Variants in B3GALT1 observed in about 807,000 individuals in gnomAD.
The protein encoded by B3GALT1 is UDP-Gal:betaGlcNAc beta 1,3-galactosyltransferase, polypeptide 1.
In B3GALT1, 10 loss-of-function variants were observed where a neutral mutation model predicts 23.2. The ratio of observed to expected loss-of-function variants is 0.43; its 90% confidence interval spans 0.27 to 0.73. B3GALT1 has a LOEUF of 0.73. Among genes scored for constraint, B3GALT1 ranks in the 30% least tolerant of loss-of-function variants. The probability of loss-of-function intolerance (pLI) is 0.21; values close to 1 mark genes in which losing one functional copy is unlikely to be tolerated. For synonymous variants in B3GALT1, 156 were observed against 141.5 expected (o/e 1.10, Z -0.73); for missense variants, 299 against 405.4 (o/e 0.74, Z 2.25).
At chr2:167,440,511 GT>G (rs1172758166) in intron 1 of B3GALT1, among the ~76,000 whole-genome samples, 1 of 152,006 alleles carries the variant, frequency 6.6e-6, no homozygotes, top group Non-Finnish European at 1.5e-5. Flanking sequence ...ATTGTACTAT[GT>G]TTTTTTGTAA....
chr2:167,713,436 A>G (rs1188701256), intron 3 of B3GALT1, among the ~76,000 whole-genome samples: 2 of 152,212 alleles, frequency 1.3e-5, no homozygotes, highest in Non-Finnish European at 2.9e-5. Flanking sequence ...TAACAAACTT[A>G]TCTGTATTGT....
intron 2 of B3GALT1, among the ~76,000 whole-genome samples, chr2:167,523,934 G>T (rs1683175847): frequency 6.6e-6 from 1 of 151,944 alleles, no homozygotes; most frequent in South Asian, 2.1e-4. Flanking sequence ...TAGTATTGCT[G>T]GATATTTAGC....
At chr2:167,558,124 C>T (rs1055618243) in intron 2 of B3GALT1, 6 of 152,070 alleles carry the variant, frequency 3.9e-5, no homozygotes, top group Non-Finnish European at 8.8e-5. Context: ...TTGTTTTTGT[C>T]TTATCTCTGA....
intron 3 of B3GALT1, among the ~76,000 whole-genome samples, chr2:167,708,144 AT>A (rs1686992488): frequency 1.3e-5 from 2 of 152,180 alleles, no homozygotes; most frequent in Non-Finnish European, 2.9e-5. Context: ...CTTAGATACA[AT>A]TTCTCTCCTT....
intron 1 of B3GALT1, among the ~76,000 whole-genome samples, chr2:167,328,937 C>A (rs1029503795): frequency 6.6e-6 from 1 of 152,080 alleles, no homozygotes; most frequent in Non-Finnish European, 1.5e-5. Context: ...CTCAGCAACC[C>A]AAGTAGCTGG....
At chr2:167,815,647 A>G (rs1688980604) in intron 3 of B3GALT1, among the ~76,000 whole-genome samples, 1 of 152,238 alleles carries the variant, frequency 6.6e-6, no homozygotes, top group Non-Finnish European at 1.5e-5. Flanking sequence ...ATAAGTCGGT[A>G]TACAGAAAGA....
intron 4 of B3GALT1, among the ~76,000 whole-genome samples, chr2:167,858,344 TAAAAA>T (rs77883366): frequency 1.5e-5 from 1 of 68,960 alleles, no homozygotes; most frequent in African/African-American, 5.3e-5. Flanking sequence ...AAGAGCGAAG[TAAAAA>T]AAAAAAAAAA....
intron 4 of B3GALT1, among the ~76,000 whole-genome samples, chr2:167,867,208 G>A (rs909884291): frequency 2.0e-5 from 3 of 152,176 alleles, no homozygotes; most frequent in East Asian, 1.9e-4. Context: ...TTACAGGCGT[G>A]AGCCACCGCG....
At chr2:167,867,288 C>G (rs868277459) in intron 4 of B3GALT1, among the ~76,000 whole-genome samples, 7 of 152,040 alleles carry the variant, frequency 4.6e-5, no homozygotes, top group African/African-American at 2.4e-5. Context: ...TTTAAAGTTT[C>G]AAAACTTGCT....
At chr2:167,401,510 C>A (rs1403903) in intron 1 of B3GALT1, among the ~76,000 whole-genome samples, 140,318 of 152,002 alleles carry the variant, frequency 0.92, 65,424 homozygotes, top group Non-Finnish European at 0.99. Flanking sequence ...AGGCTCTTAC[C>A]CTTGGGGTCC....
At chr2:167,743,559 T>C (rs1426143454) in intron 3 of B3GALT1, among the ~76,000 whole-genome samples, 1 of 152,156 alleles carries the variant, frequency 6.6e-6, no homozygotes, top group East Asian at 1.9e-4. Context: ...TCCATTGAAA[T>C]GTTTTTGTAG....
At chr2:167,776,730 G>C (rs995446929) in intron 3 of B3GALT1, among the ~76,000 whole-genome samples, 4 of 152,178 alleles carry the variant, frequency 2.6e-5, no homozygotes, top group African/African-American at 9.7e-5. Context: ...TATAACTTCA[G>C]TGTCTGTTTT....
chr2:167,295,251 C>T (rs1207982831), intron 1 of B3GALT1, among the ~76,000 whole-genome samples: 2 of 152,048 alleles, frequency 1.3e-5, no homozygotes, highest in East Asian at 3.9e-4. Flanking sequence ...TAAGTATTTT[C>T]TTCTTAGCAT....
chr2:167,447,284 C>T (rs1390171399), intron 1 of B3GALT1, among the ~76,000 whole-genome samples: 1 of 152,238 alleles, frequency 6.6e-6, no homozygotes, highest in Non-Finnish European at 1.5e-5. Flanking sequence ...TGGGGGGTGC[C>T]TCCCAGTTAG....
chr2:167,664,880 TC>T (rs1236968885), intron 3 of B3GALT1, among the ~76,000 whole-genome samples: 3 of 150,276 alleles, frequency 2.0e-5, no homozygotes, highest in Non-Finnish European at 3.0e-5. Context: ...AATGGGGTTT[TC>T]TAGATATACA....
In B3GALT1 at chr2:167,803,729, A is replaced by C. The variant is rs116532399; in HGVS notation, c.-351-14943A>C. Reference sequence around the variant, plus strand: ...AAGCCTCATAAATGAAAGAACATTCAGTCCATTTATCCAAAACTCTCCTAA... The same window carrying C: ...AAGCCTCATAAATGAAAGAACATTCCGTCCATTTATCCAAAACTCTCCTAA... On this transcript the variant is annotated intron_variant, in intron 3 of 4. Transcript: ENST00000392690. Among the ~76,000 whole-genome samples, 130 of 152,296 alleles carry C rather than the reference A, an allele frequency of 8.5e-4. 4 individuals are homozygous for C. Among genetic ancestry groups the C allele is most frequent in the Admixed American group, 2.3e-3 (35 of 15,296 alleles).
intron 3 of B3GALT1, among the ~76,000 whole-genome samples, chr2:167,700,114 A>G (rs78326160): frequency 0.07 from 10,623 of 152,184 alleles, 562 homozygotes; most frequent in East Asian, 0.17. Context: ...TCCAGGCGCA[A>G]TGGTACACAC....
At chr2:167,480,029 G>T (rs558945868) in intron 1 of B3GALT1, among the ~76,000 whole-genome samples, 1 of 152,066 alleles carries the variant, frequency 6.6e-6, no homozygotes, top group African/African-American at 2.4e-5. Flanking sequence ...GTCAGTTGCC[G>T]GAATGTGAAA....
chr2:167,676,979 C>A (rs569256800), intron 3 of B3GALT1, among the ~76,000 whole-genome samples: 1 of 152,204 alleles, frequency 6.6e-6, no homozygotes, highest in South Asian at 2.1e-4. Context: ...TCAAAAACTT[C>A]AGTGGATTTT....
Sources: gnomAD v4.1 joint callset for allele counts (sites outside exome capture counted in the v4.1 genomes callset) on GRCh38, gnomAD v4.1.1 for gene constraint, MANE v1.5 for transcripts, NCBI Gene and HGNC (gene_info 2026-07-23, HGNC 2026-07-21) for gene names.